Variants in PCDH15 observed in about 807,000 individuals in gnomAD.
The protein encoded by PCDH15 is protocadherin related 15.
In PCDH15, 129 loss-of-function variants were observed where a neutral mutation model predicts 178.5. That is an observed-to-expected ratio of 0.72 (90% CI 0.63 to 0.84). PCDH15 has a LOEUF of 0.84. PCDH15 is among the 40% of genes least tolerant of loss of function. The probability of loss-of-function intolerance (pLI) is 0.00; values close to 1 mark genes in which losing one functional copy is unlikely to be tolerated. For synonymous variants in PCDH15, 800 were observed against 732.0 expected, an observed-to-expected ratio of 1.09 and a Z score of -1.50; for missense variants, 2,230 against 2,099.9, an observed-to-expected ratio of 1.06 and a Z score of -1.21.
chr10:54,143,027 T>C (rs535456829), intron 14 of PCDH15, among the ~76,000 whole-genome samples: 1 of 152,284 alleles, frequency 6.6e-6, no homozygotes, highest in South Asian at 2.1e-4. Context: ...AACAGCAAAA[T>C]TTCAAGTTCT....
chr10:54,685,524 T>C (rs966473202), intron 1 of PCDH15, among the ~76,000 whole-genome samples: 1 of 152,150 alleles, frequency 6.6e-6, no homozygotes, highest in African/African-American at 2.4e-5. Flanking sequence ...ATTTTTCAGC[T>C]ATGTTATAGC....
chr10:54,675,687 G>T (rs1352556312), intron 1 of PCDH15, among the ~76,000 whole-genome samples: 2 of 151,828 alleles, frequency 1.3e-5, no homozygotes, highest in Admixed American at 1.3e-4. Flanking sequence ...CCTTTCCTTT[G>T]TATTCAGCGA....
intron 1 of PCDH15, among the ~76,000 whole-genome samples, chr10:54,674,703 T>C (rs189236027): frequency 6.6e-6 from 1 of 152,252 alleles, no homozygotes; most frequent in Admixed American, 6.5e-5. Flanking sequence ...AAGGTCACTG[T>C]CATATTTCTT....
intron 1 of PCDH15, among the ~76,000 whole-genome samples, chr10:54,726,472 T>C (rs1465074472): frequency 6.7e-6 from 1 of 148,346 alleles, no homozygotes; most frequent in African/African-American, 2.5e-5. Context: ...GTATTTGAAT[T>C]GACAGTGAAT....
At chr10:54,336,372 G>A (rs1797470662) in intron 6 of PCDH15, among the ~76,000 whole-genome samples, 1 of 152,164 alleles carries the variant, frequency 6.6e-6, no homozygotes, top group South Asian at 2.1e-4. Context: ...AGAGACATTT[G>A]TGGCAGCCCC....
intron 1 of PCDH15, among the ~76,000 whole-genome samples, chr10:54,776,492 C>T (rs1321782930): frequency 6.6e-6 from 1 of 151,558 alleles, no homozygotes; most frequent in Non-Finnish European, 1.5e-5. Context: ...CTTAAGCTTA[C>T]CCTCTAATTA....
chr10:54,960,197 T>C (rs1564665708), intron 2 of PCDH15, among the ~76,000 whole-genome samples: 4 of 152,188 alleles, frequency 2.6e-5, no homozygotes, highest in Admixed American at 6.5e-5. Flanking sequence ...GATTCTAACA[T>C]CTCTGTCAGT....
intron 2 of PCDH15, among the ~76,000 whole-genome samples, chr10:55,357,759 A>C (rs1181362818): frequency 6.6e-6 from 1 of 152,026 alleles, no homozygotes; most frequent in Admixed American, 6.6e-5. Flanking sequence ...AGATTGTAAG[A>C]AAACATACTT....
intron 1 of PCDH15, among the ~76,000 whole-genome samples, chr10:55,237,264 G>T: frequency 6.6e-6 from 1 of 152,064 alleles, no homozygotes; most frequent in East Asian, 1.9e-4. Context: ...TGGGATTTCT[G>T]TGTTGAAGAA....
chr10:55,222,728 C>CATATATATATATAT (rs1309226129), intron 1 of PCDH15, among the ~76,000 whole-genome samples: 3 of 49,734 alleles, frequency 6.0e-5, no homozygotes, highest in Admixed American at 2.6e-4. Context: ...CACACACACA[C>CATATATATATATAT]ACATATATAT....
intron 15 of PCDH15, among the ~76,000 whole-genome samples, chr10:54,124,250 T>A (rs2041807143): frequency 6.6e-6 from 1 of 152,216 alleles, no homozygotes; most frequent in African/African-American, 2.4e-5. Flanking sequence ...GGACACATGC[T>A]ATATGATTCC....
chr10:54,895,945 G>T (rs553285917), intron 3 of PCDH15, among the ~76,000 whole-genome samples: 1 of 142,020 alleles, frequency 7.0e-6, no homozygotes, highest in Non-Finnish European at 1.6e-5. Flanking sequence ...AGAGTGCAGT[G>T]GCACTATCTC....
chr10:54,107,622 G>T (rs1307137293), intron 15 of PCDH15, among the ~76,000 whole-genome samples: 1 of 152,188 alleles, frequency 6.6e-6, no homozygotes, highest in African/African-American at 2.4e-5. Flanking sequence ...GAATTGTTAA[G>T]AGTCTAATGA....
At chr10:54,519,181 T>C (rs1219178662) in intron 3 of PCDH15, among the ~76,000 whole-genome samples, 1 of 152,152 alleles carries the variant, frequency 6.6e-6, no homozygotes, top group Non-Finnish European at 1.5e-5. Context: ...TCACCACTCC[T>C]ATTCAACATA....
At chr10:54,408,101 AC>A (rs1411211064) in intron 3 of PCDH15, among the ~76,000 whole-genome samples, 3 of 151,116 alleles carry the variant, frequency 2.0e-5, no homozygotes, top group African/African-American at 7.3e-5. Flanking sequence ...TAGAAAAGTT[AC>A]TTCCTCTAAG....
At chr10:55,458,303 CAGG>C (rs1159067524) in intron 2 of PCDH15, among the ~76,000 whole-genome samples, 1 of 152,008 alleles carries the variant, frequency 6.6e-6, no homozygotes, top group Non-Finnish European at 1.5e-5. Flanking sequence ...TCTTCACTTG[CAGG>C]TTCTGCTGAT....
chr10:53,949,226 A>T (rs1326942491), intron 23 of PCDH15, among the ~76,000 whole-genome samples: 1 of 152,220 alleles, frequency 6.6e-6, no homozygotes, highest in Non-Finnish European at 1.5e-5. Context: ...GTCAATAGTT[A>T]AATGGGCGAA....
chr10:54,707,856 A>C (rs2095381696), intron 1 of PCDH15, among the ~76,000 whole-genome samples: 1 of 152,182 alleles, frequency 6.6e-6, no homozygotes, highest in Admixed American at 6.6e-5. Context: ...CCATAAAGAG[A>C]TCATTTTAAG....
intron 1 of PCDH15, among the ~76,000 whole-genome samples, chr10:54,674,657 G>A (rs1169047363): frequency 2.0e-5 from 3 of 152,074 alleles, no homozygotes; most frequent in Non-Finnish European, 4.4e-5. Context: ...TAATTGTGTA[G>A]TCATGTAAGC....
Sources: gnomAD v4.1 joint callset for allele counts (sites outside exome capture counted in the v4.1 genomes callset) on GRCh38, gnomAD v4.1.1 for gene constraint, MANE v1.5 for transcripts, NCBI Gene and HGNC (gene_info 2026-07-23, HGNC 2026-07-21) for gene names.